ARHGAP15: variants seen among roughly 807,000 people sequenced by gnomAD.
The protein encoded by ARHGAP15 is rho GTPase-activating protein 15.
ARHGAP15 carries 51 observed loss-of-function variants against 63.7 expected under a neutral mutation model. The observed-to-expected ratio is 0.80, with a 90% CI of 0.64 to 1.01. The LOEUF (loss-of-function observed/expected upper bound fraction) is 1.01, where lower values mean the gene tolerates loss of function less well. Ranked by LOEUF, ARHGAP15 falls within the 50% of genes least tolerant of loss-of-function variation. The pLI, the probability that ARHGAP15 is intolerant of heterozygous loss-of-function variation, is 0.00. For missense variants in ARHGAP15, 560 were observed against 564.6 expected (o/e 0.99, Z 0.08); for synonymous variants, 191 against 193.8 (o/e 0.99, Z 0.12).
intron 6 of ARHGAP15, among the ~76,000 whole-genome samples, chr2:143,327,008 A>G (rs749598214): frequency 2.0e-5 from 3 of 152,222 alleles, no homozygotes; most frequent in Non-Finnish European, 4.4e-5. Flanking sequence ...TTGTATATTT[A>G]GAAAACCCCA....
rs942034533 is a variant in ARHGAP15 at position 143,402,564 on chromosome 2, T to C, written c.475-33037T>C. Among the ~76,000 whole-genome samples the C allele has an allele frequency of 8.3e-5, 12 of 145,240 alleles. 1 individual carries two copies. In the South Asian group the frequency reaches 2.8e-3, roughly 33 times the overall value. Reference sequence around the variant, plus strand: ...GGATAAAAACTCACAGCTAATTTTATTTTCTAAATTGGAAGGGGGGGTGGG... The same window carrying C: ...GGATAAAAACTCACAGCTAATTTTACTTTCTAAATTGGAAGGGGGGGTGGG... On this transcript the variant is annotated intron_variant, in intron 6 of 13. Transcript: ENST00000295095.
At chr2:143,704,393 T>C (rs1442827611) in intron 13 of ARHGAP15, among the ~76,000 whole-genome samples, 1 of 151,934 alleles carries the variant, frequency 6.6e-6, no homozygotes, top group African/African-American at 2.4e-5. Context: ...TGGGTAGAGA[T>C]ATTGTGGAGA....
chr2:143,347,085 C>T (rs1685334651), intron 6 of ARHGAP15, among the ~76,000 whole-genome samples: 2 of 152,116 alleles, frequency 1.3e-5, no homozygotes, highest in Non-Finnish European at 2.9e-5. Flanking sequence ...TATCTCATGT[C>T]CTCACCTTCG....
At chr2:143,316,857 T>G (rs1301562544) in intron 6 of ARHGAP15, among the ~76,000 whole-genome samples, 1 of 152,082 alleles carries the variant, frequency 6.6e-6, no homozygotes, top group African/African-American at 2.4e-5. Flanking sequence ...TATTCACTCC[T>G]CTTATAGTAT....
In ARHGAP15 at chr2:143,679,660, T is replaced by C. The variant is rs151183863; in HGVS notation, c.1139-23759T>C. On this transcript the variant is annotated intron_variant, in intron 12 of 13. Coordinates refer to ENST00000295095, the MANE Select transcript of ARHGAP15 (RefSeq NM_018460.4). ...ATGAGGGGGTGCGTGTGTGCGTGTG[T>C]GTGTGTGTGTGTGTGTGTGTGTGTA... 6.7e-3 allele frequency among the ~76,000 whole-genome samples: 64 copies of C among 9,574 alleles called. 1 individual carries two copies. In the South Asian group the frequency reaches 0.4, roughly 59 times the overall value. 6.3% of individuals were successfully genotyped at this position (9,574 alleles called of 152,430 possible).
At chr2:143,341,888 T>C (rs1175672850) in intron 6 of ARHGAP15, among the ~76,000 whole-genome samples, 3 of 152,266 alleles carry the variant, frequency 2.0e-5, no homozygotes, top group African/African-American at 7.2e-5. Context: ...GCAATTCTGC[T>C]GCTTAAATGT....
At chr2:143,202,035 C>T in intron 2 of ARHGAP15, 99 bp from the exon 3 acceptor site, 2 of 903,202 alleles carry the variant, frequency 2.2e-6, no homozygotes, top group Non-Finnish European at 3.6e-6. Context: ...ACTTAATTCA[C>T]ATGCTTGAAT....
intron 1 of ARHGAP15, among the ~76,000 whole-genome samples, chr2:143,134,632 CTTT>C (rs139259059): frequency 0.022 from 2,639 of 119,242 alleles, 40 homozygotes; most frequent in African/African-American, 0.057. Flanking sequence ...TATTCCTTTT[CTTT>C]TTTTTTTTTT....
intron 6 of ARHGAP15, among the ~76,000 whole-genome samples, chr2:143,395,586 A>T (rs114432059): frequency 6.6e-6 from 1 of 152,300 alleles, no homozygotes; most frequent in African/African-American, 2.4e-5. Context: ...TGTCTCCAGC[A>T]GTATCTAGTC....
At chr2:143,594,809 A>G (rs1011655547) in intron 11 of ARHGAP15, among the ~76,000 whole-genome samples, 6 of 152,194 alleles carry the variant, frequency 3.9e-5, no homozygotes, top group African/African-American at 1.2e-4. Context: ...GAGCCTGTAC[A>G]TTTCAGAATT....
chr2:143,145,837 GGGGTGTGTGTGTGTGT>G (rs1460630973), intron 1 of ARHGAP15, among the ~76,000 whole-genome samples: 12 of 96,724 alleles, frequency 1.2e-4, no homozygotes, highest in African/African-American at 4.9e-4. Context: ...TATATGTATA[GGGGTGTGTGTGTGTGT>G]GTGTGTGTGT....
At chr2:143,468,877 T>A (rs1691379887) in intron 8 of ARHGAP15, among the ~76,000 whole-genome samples, 1 of 152,220 alleles carries the variant, frequency 6.6e-6, no homozygotes, top group Non-Finnish European at 1.5e-5. Flanking sequence ...ACAAAACCAG[T>A]CTATTCTGTA....
intron 12 of ARHGAP15, among the ~76,000 whole-genome samples, chr2:143,665,828 A>G (rs1388525841): frequency 6.6e-6 from 1 of 150,854 alleles, no homozygotes; most frequent in Non-Finnish European, 1.5e-5. Context: ...ATTGCTTCAA[A>G]GAGAATAAAA....
intron 8 of ARHGAP15, among the ~76,000 whole-genome samples, chr2:143,444,589 C>T (rs542827514): frequency 3.8e-4 from 58 of 152,126 alleles, no homozygotes; most frequent in Non-Finnish European, 6.2e-4. Flanking sequence ...TGGTAACTTA[C>T]GCTACTTTCC....
At chr2:143,389,683 A>G (rs1176568711) in intron 6 of ARHGAP15, among the ~76,000 whole-genome samples, 1 of 152,210 alleles carries the variant, frequency 6.6e-6, no homozygotes, top group African/African-American at 2.4e-5. Flanking sequence ...CCAAATATTC[A>G]TCTGTGCTGA....
intron 3 of ARHGAP15, among the ~76,000 whole-genome samples, chr2:143,208,374 C>T (rs1404371394): frequency 6.6e-6 from 1 of 152,190 alleles, no homozygotes; most frequent in Non-Finnish European, 1.5e-5. Context: ...TAGAGGCTAA[C>T]ACCCTTTGGG....
intron 6 of ARHGAP15, among the ~76,000 whole-genome samples, chr2:143,412,392 T>G (rs1688486414): frequency 6.6e-6 from 1 of 152,122 alleles, no homozygotes; most frequent in African/African-American, 2.4e-5. Flanking sequence ...ATGGTGATAT[T>G]TGAATTGTAT....
intron 12 of ARHGAP15, among the ~76,000 whole-genome samples, chr2:143,635,149 TTTTTTAA>T (rs1680240711): frequency 6.6e-6 from 1 of 151,508 alleles, no homozygotes; most frequent in Non-Finnish European, 1.5e-5. Flanking sequence ...AGACTTTTTA[TTTTTTAA>T]TTATCTCAAG....
At chr2:143,244,892 C>T (rs924508008) in intron 5 of ARHGAP15, among the ~76,000 whole-genome samples, 2 of 152,012 alleles carry the variant, frequency 1.3e-5, no homozygotes, top group Admixed American at 6.6e-5. Context: ...TTCCAGAATT[C>T]GAGACTTTGT....
Sources: allele counts gnomAD v4.1 joint callset (sites outside exome capture counted in the v4.1 genomes callset), GRCh38; gene constraint gnomAD v4.1.1; transcripts MANE v1.5; gene names NCBI Gene and HGNC (gene_info 2026-07-23, HGNC 2026-07-21).